The following ADAMTSL1 variants were observed in gnomAD, a reference collection of about 807,000 sequenced individuals.
ADAMTSL1 encodes ADAMTS-like protein 1.
In ADAMTSL1, 126 loss-of-function variants were observed where a neutral mutation model predicts 201.8. That is an observed-to-expected ratio of 0.62 (90% confidence interval 0.54 to 0.72). The LOEUF is 0.72. ADAMTSL1 is among the 30% of genes least tolerant of loss of function. The pLI, the probability that ADAMTSL1 is intolerant of heterozygous loss-of-function variation, is 0.00. For missense variants in ADAMTSL1, 2,679 were observed against 2,277.8 expected, an observed-to-expected ratio of 1.18 and a Z score of -3.59; for synonymous variants, 1,121 against 903.4, an observed-to-expected ratio of 1.24 and a Z score of -4.32.
chr9:18,796,276 C>T (rs1822412228), intron 20 of ADAMTSL1, among the ~76,000 whole-genome samples: 1 of 152,210 alleles, frequency 6.6e-6, no homozygotes, highest in Non-Finnish European at 1.5e-5. Context: ...CGAGGTCACA[C>T]AGCTGCTCTG....
intron 2 of ADAMTSL1, among the ~76,000 whole-genome samples, chr9:18,448,681 T>C (rs989999088): frequency 1.3e-5 from 2 of 152,212 alleles, no homozygotes; most frequent in Non-Finnish European, 2.9e-5. Flanking sequence ...ATTGGACATT[T>C]ATCTCATTTT....
intron 4 of ADAMTSL1, among the ~76,000 whole-genome samples, chr9:18,601,619 G>A (rs889636607): frequency 9.9e-5 from 15 of 152,238 alleles, no homozygotes; most frequent in African/African-American, 2.9e-4. Context: ...ATAGTGCCAG[G>A]TCTGTAATTA....
intron 2 of ADAMTSL1, among the ~76,000 whole-genome samples, chr9:18,274,961 C>T (rs1188074935): frequency 6.6e-6 from 1 of 152,198 alleles, no homozygotes; most frequent in African/African-American, 2.4e-5. Context: ...TCTTCTTCAT[C>T]ATTGTCTTCT....
At chr9:18,708,230 A>C (rs1054209167) in intron 14 of ADAMTSL1, among the ~76,000 whole-genome samples, 12 of 152,244 alleles carry the variant, frequency 7.9e-5, no homozygotes, top group African/African-American at 2.2e-4. Context: ...CACTGTTCAC[A>C]TGTAGTTGAA....
In ADAMTSL1 at chr9:18,856,460, AT is replaced by A. The variant is rs398010404; in HGVS notation, c.4249+26504del. 3.2e-3 allele frequency among the ~76,000 whole-genome samples: 361 copies of A among 111,968 alleles called. 2 individuals are homozygous for A. Among genetic ancestry groups the A allele is most frequent in the Middle Eastern group, 5.8e-3 (1 of 172 alleles). The allele number at this position is 111,968 out of a possible 152,430, so 73.5% of individuals were successfully genotyped here. A position where few individuals can be genotyped will look rare whatever the true frequency, so the allele number is the denominator to read the frequency against. On this transcript the variant is annotated intron_variant, in intron 23 of 28. Coordinates refer to ENST00000380548, the MANE Select transcript of ADAMTSL1 (RefSeq NM_001040272.6). ...TGGTTGTTGCCAAATGATAAGAAGG[AT>A]TTTTTTTTTTTTTTTTTTTTGAGAC...
intron 11 of ADAMTSL1, 115 bp from the exon 12 acceptor site, chr9:18,681,697 T>TGTGTGG (rs370940110): frequency 0.024 from 5,623 of 238,978 alleles, 120 homozygotes; most frequent in East Asian, 0.037. Flanking sequence ...AGTCCTCGTG[T>TGTGTGG]GGGGGGGGGG....
At chr9:17,961,224 A>T (rs1176808840) in intron 1 of ADAMTSL1, among the ~76,000 whole-genome samples, 1 of 151,988 alleles carries the variant, frequency 6.6e-6, no homozygotes, top group Non-Finnish European at 1.5e-5. Flanking sequence ...AATGGGTACA[A>T]TAACTTTTCA....
At chr9:18,544,785 A>G (rs1025973932) in intron 3 of ADAMTSL1, among the ~76,000 whole-genome samples, 1 of 152,220 alleles carries the variant, frequency 6.6e-6, no homozygotes, top group Admixed American at 6.5e-5. Flanking sequence ...TGCCATGATC[A>G]GTTGTTATAT....
chr9:18,461,907 T>TG (rs1286264383), intron 2 of ADAMTSL1, among the ~76,000 whole-genome samples: 1 of 152,154 alleles, frequency 6.6e-6, no homozygotes, highest in African/African-American at 2.4e-5. Flanking sequence ...ATCTTCCCCT[T>TG]GCCGCATATA....
chr9:18,854,593 T>C (rs1826725297), intron 23 of ADAMTSL1, among the ~76,000 whole-genome samples: 1 of 152,084 alleles, frequency 6.6e-6, no homozygotes, highest in African/African-American at 2.4e-5. Flanking sequence ...AATAGATGAA[T>C]AGAATGGATG....
At chr9:18,783,461 C>T (rs183590277) in intron 19 of ADAMTSL1, among the ~76,000 whole-genome samples, 1 of 152,278 alleles carries the variant, frequency 6.6e-6, no homozygotes, top group East Asian at 1.9e-4. Context: ...GACTCTGAAG[C>T]CAGATTCAAG....
intron 2 of ADAMTSL1, among the ~76,000 whole-genome samples, chr9:18,319,775 C>T (rs1834549642): frequency 6.6e-6 from 1 of 152,172 alleles, no homozygotes; most frequent in Admixed American, 6.5e-5. Context: ...TTCACCTGCC[C>T]TAAAATGTGC....
chr9:18,667,888 C>G (rs139157254), intron 9 of ADAMTSL1, among the ~76,000 whole-genome samples: 4,201 of 152,168 alleles, frequency 0.028, 79 homozygotes, highest in Middle Eastern at 0.058. Flanking sequence ...TCACATTTAT[C>G]AGATTTTTTT....
intron 25 of ADAMTSL1, 28 bp from the exon 26 acceptor site, chr9:18,892,361 C>T (rs1476604190): frequency 3.1e-6 from 5 of 1,597,598 alleles, no homozygotes; most frequent in Admixed American, 1.7e-5. Flanking sequence ...CCCTTTAGGG[C>T]TCTCCTGACA....
intron 2 of ADAMTSL1, among the ~76,000 whole-genome samples, chr9:18,506,556 A>G (rs968673942): frequency 9.9e-5 from 15 of 151,590 alleles, no homozygotes; most frequent in African/African-American, 2.9e-4. Flanking sequence ...AAATTCTGTC[A>G]TTCAGCAAAT....
intron 1 of ADAMTSL1, among the ~76,000 whole-genome samples, chr9:18,083,778 C>T (rs541658410): frequency 6.6e-6 from 1 of 152,156 alleles, no homozygotes; most frequent in Non-Finnish European, 1.5e-5. Flanking sequence ...AAATGTTATT[C>T]CTGATACTAA....
intron 4 of ADAMTSL1, among the ~76,000 whole-genome samples, chr9:18,591,067 C>A (rs905503445): frequency 6.6e-6 from 1 of 151,926 alleles, no homozygotes; most frequent in Non-Finnish European, 1.5e-5. Context: ...ATAGTTTAAC[C>A]CTGATGCTTT....
At chr9:18,833,404 G>C (rs1487890857) in intron 23 of ADAMTSL1, among the ~76,000 whole-genome samples, 9 of 152,132 alleles carry the variant, frequency 5.9e-5, no homozygotes, top group Non-Finnish European at 1.2e-4. Flanking sequence ...CATTCTAACT[G>C]GTGTGAGATG....
intron 2 of ADAMTSL1, among the ~76,000 whole-genome samples, chr9:18,232,120 C>T (rs1830665037): frequency 6.6e-6 from 1 of 152,112 alleles, no homozygotes; most frequent in South Asian, 2.1e-4. Context: ...CCTAGAGGAG[C>T]CCATCTCCTA....
Sources: gnomAD v4.1 joint callset for allele counts (sites outside exome capture counted in the v4.1 genomes callset) on GRCh38, gnomAD v4.1.1 for gene constraint, MANE v1.5 for transcripts, NCBI Gene and HGNC (gene_info 2026-07-23, HGNC 2026-07-21) for gene names.